ZNF385C: variants seen among roughly 807,000 people sequenced by gnomAD.
ZNF385C encodes the protein zinc finger protein 385C.
In ZNF385C, 28 loss-of-function variants were observed where a neutral mutation model predicts 35.4. The observed-to-expected ratio is 0.79, with a 90% CI of 0.59 to 1.08. ZNF385C has a LOEUF of 1.08. ZNF385C is among the 50% of genes least tolerant of loss of function. The probability of loss-of-function intolerance (pLI) is 0.00; values close to 1 mark genes in which losing one functional copy is unlikely to be tolerated. For synonymous variants in ZNF385C, 248 were observed against 248.2 expected (o/e 1.00, Z 0.01); for missense variants, 605 against 595.6 (o/e 1.02, Z -0.16).
intron 1 of ZNF385C, among the ~76,000 whole-genome samples, chr17:42,083,352 G>A (rs981828487): frequency 1.3e-5 from 2 of 150,656 alleles, no homozygotes; most frequent in African/African-American, 4.9e-5. Context: ...ACAGGCACCC[G>A]CCAACACGCC....
At chr17:42,040,443 A>G in intron 2 of ZNF385C, 1 of 1,232,106 alleles carries the variant, frequency 8.1e-7, no homozygotes, top group Non-Finnish European at 1.0e-6. Flanking sequence ...CCATCACCAG[A>G]GGCTGCAGCA....
chr17:42,030,248 G>T (rs1379385381), intron 5 of ZNF385C, among the ~76,000 whole-genome samples: 1 of 152,140 alleles, frequency 6.6e-6, no homozygotes, highest in Non-Finnish European at 1.5e-5. Flanking sequence ...CCAGCACTTT[G>T]GGAGGCCGAG....
chr17:42,040,079 C>T (rs1195597375), intron 2 of ZNF385C: 4 of 1,231,160 alleles, frequency 3.2e-6, no homozygotes, highest in Non-Finnish European at 4.1e-6. Context: ...TGGCGCACCA[C>T]GGCAGGAGCA....
intron 2 of ZNF385C, chr17:42,040,257 TC>T: frequency 8.1e-7 from 1 of 1,231,486 alleles, no homozygotes. Flanking sequence ...CCAGGAAGGA[TC>T]CCCGGAGCCA....
chr17:42,055,233 C>T (rs1239703302), intron 2 of ZNF385C, among the ~76,000 whole-genome samples: 3 of 152,158 alleles, frequency 2.0e-5, no homozygotes, highest in African/African-American at 7.2e-5. Flanking sequence ...TAGGAAGGGG[C>T]TCTGGGGGGA....
At position 42,062,974 on chromosome 17, in the gene ZNF385C, G is replaced by A; in HGVS notation, c.83C>T (p.Pro28Leu). The A allele has an allele frequency of 2.9e-6, 2 of 694,146 alleles. No homozygotes were observed. The highest frequency in any genetic ancestry group is 2.8e-5 in the East Asian group (1 of 36,168). The allele number at this position is 694,146 out of a possible 1,614,324, so 43.0% of individuals were successfully genotyped here. ...TTCTCGCTTGGGCTTAGGTGGTTCT[G>A]GGGGCCGAGGGAGGCACTCAGCAGC... ...SGAAECLPRPPEPPKPKRERK... is the reference protein window; with the variant it reads ...SGAAECLPRPLEPPKPKRERK... Residue 28 changes from proline to leucine, a missense_variant, in exon 2 of 9, where the codon CCA (proline) becomes CTA (leucine). Pro to Leu is a moderately conservative substitution (Grantham distance 98, BLOSUM62 -3). Transcript: ENST00000692273.
At chr17:42,083,180 C>T (rs1380328321) in intron 1 of ZNF385C, among the ~76,000 whole-genome samples, 1 of 152,052 alleles carries the variant, frequency 6.6e-6, no homozygotes, top group Non-Finnish European at 1.5e-5. Context: ...TTTCACAAAG[C>T]TCCTGACTCG....
chr17:42,030,471 G>A (rs1448318930), intron 5 of ZNF385C, among the ~76,000 whole-genome samples: 1 of 152,126 alleles, frequency 6.6e-6, no homozygotes, highest in Non-Finnish European at 1.5e-5. Context: ...CTGGGAGACA[G>A]AGCGAGACTC....
chr17:42,074,414 C>T (rs1176913582), intron 1 of ZNF385C, among the ~76,000 whole-genome samples: 6 of 146,340 alleles, frequency 4.1e-5, no homozygotes, highest in African/African-American at 7.7e-5. Context: ...TTTTTTGAGA[C>T]GGAGTCTCAC....
At chr17:42,039,411 G>A (rs2052948958) in intron 2 of ZNF385C, 3 of 316,438 alleles carry the variant, frequency 9.5e-6, no homozygotes, top group Non-Finnish European at 5.7e-6. Context: ...GTCCAGAAGG[G>A]AAAAGGGTGA....
At chr17:42,032,761 G>A (rs955866518) in intron 4 of ZNF385C, among the ~76,000 whole-genome samples, 3 of 151,670 alleles carry the variant, frequency 2.0e-5, no homozygotes, top group Non-Finnish European at 4.4e-5. Context: ...ACCCAGGCTG[G>A]AGTGCAACGG....
rs530432113 is a variant in ZNF385C, at chr17:42,063,101, C to T, written c.-2-43G>A. On this transcript the variant is annotated intron_variant, in intron 1 of 8. Transcript: ENST00000692273. ...GAGATGAATGAACGCCAAATGGTTG[C>T]GAATTCTTAGAGAGAGCAGGAGGGG... 6.1e-4 allele frequency: 355 copies of T among 585,180 alleles called. 1 individual carries two copies. Among genetic ancestry groups the T allele is most frequent in the African/African-American group, 5.9e-3 (309 of 52,490 alleles). 36.2% of individuals were successfully genotyped at this position (585,180 alleles called of 1,614,324 possible).
At chr17:42,073,046 G>A (rs1169569139) in intron 1 of ZNF385C, among the ~76,000 whole-genome samples, 2 of 152,172 alleles carry the variant, frequency 1.3e-5, no homozygotes, top group Non-Finnish European at 2.9e-5. Flanking sequence ...TGACATTCAT[G>A]GACCACCTGC....
rs1246751337 is a variant in ZNF385C at position 42,028,690 on chromosome 17, C to T, written c.967+93G>A. ...AAGCCTCCGCCATCCAACCCTTGAGCGAAGCACCCAGGAACTCAAGCCTGC... is the reference window on the plus strand; with the variant it reads ...AAGCCTCCGCCATCCAACCCTTGAGTGAAGCACCCAGGAACTCAAGCCTGC... On this transcript the variant is annotated intron_variant, in intron 6 of 8. Transcript: ENST00000692273. 1.0e-5 allele frequency: 15 copies of T among 1,438,544 alleles called. No individual in the cohort carries two copies. The Admixed American group carries it at 2.9e-4, about 28-fold the overall frequency. 89.1% of individuals were successfully genotyped at this position (1,438,544 alleles called of 1,614,324 possible).
At chr17:42,070,474 G>A (rs1555658708) in intron 1 of ZNF385C, among the ~76,000 whole-genome samples, 1 of 152,228 alleles carries the variant, frequency 6.6e-6, no homozygotes, top group Non-Finnish European at 1.5e-5. Flanking sequence ...CAAGGTATAT[G>A]ATTCTGCCTT....
At chr17:42,045,644 C>G (rs1333398388) in intron 2 of ZNF385C, among the ~76,000 whole-genome samples, 2 of 152,222 alleles carry the variant, frequency 1.3e-5, no homozygotes, top group Non-Finnish European at 2.9e-5. Flanking sequence ...TGTACTGTCT[C>G]TCTCCCTCCA....
intron 8 of ZNF385C, 122 bp from the exon 9 acceptor site, chr17:42,027,255 ATCC>A: frequency 2.3e-6 from 2 of 875,118 alleles, no homozygotes; most frequent in East Asian, 2.4e-5. Context: ...CCAAACCTAA[ATCC>A]TCCTCCCTTC....
intron 2 of ZNF385C, chr17:42,038,216 C>T: frequency 1.6e-6 from 1 of 630,096 alleles, no homozygotes; most frequent in Non-Finnish European, 2.7e-6. Context: ...ACACACACAC[C>T]ACCATGGAGA....
chr17:42,073,823 G>A (rs1682478369), intron 1 of ZNF385C, among the ~76,000 whole-genome samples: 1 of 152,174 alleles, frequency 6.6e-6, no homozygotes, highest in African/African-American at 2.4e-5. Context: ...AAGAAGTGGC[G>A]GTGCCATTTA....
Sources: gnomAD v4.1 joint callset for allele counts (sites outside exome capture counted in the v4.1 genomes callset) on GRCh38, gnomAD v4.1.1 for gene constraint, MANE v1.5 for transcripts, NCBI Gene and HGNC (gene_info 2026-07-23, HGNC 2026-07-21) for gene names.